DENND2C: variants seen among roughly 807,000 people sequenced by gnomAD.
DENND2C encodes DENN domain-containing protein 2C.
A neutral mutation model predicts 112.4 loss-of-function variants in DENND2C; 72 were observed. The observed-to-expected ratio is 0.64, with a 90% confidence interval of 0.53 to 0.78. DENND2C has a LOEUF of 0.78. Ranked by LOEUF, DENND2C falls within the 30% of genes least tolerant of loss-of-function variation. DENND2C has a pLI of 0.00. For missense variants in DENND2C, 992 were observed against 1,113.8 expected, an observed-to-expected ratio of 0.89 and a Z score of 1.56; for synonymous variants, 329 against 381.6, an observed-to-expected ratio of 0.86 and a Z score of 1.61.
At position 114,625,323 on chromosome 1, in the gene DENND2C, G is replaced by A; in HGVS notation, c.662C>T (p.Ser221Phe). Residue 221 changes from serine to phenylalanine, a missense_variant, in exon 4 of 21, where the codon TCC becomes TTC. Ser to Phe is a radical substitution (Grantham distance 155). Transcript: ENST00000393274. ...TTTATACGGCGTAACACCAGATTCGGATAAATATCTGAATGTCCTACGAGG... is the reference window on the plus strand; with the variant it reads ...TTTATACGGCGTAACACCAGATTCGAATAAATATCTGAATGTCCTACGAGG... ...PKPRRTFRYL[S>F]ESGVTPYKER... 6.2e-7 allele frequency: 1 copy of A among 1,614,124 alleles called. No homozygotes were observed. The highest frequency in any genetic ancestry group is 8.5e-7 in the Non-Finnish European group (1 of 1,180,010).
At chr1:114,592,746 A>T (rs1655229639) in intron 18 of DENND2C, among the ~76,000 whole-genome samples, 1 of 151,972 alleles carries the variant, frequency 6.6e-6, no homozygotes, top group Non-Finnish European at 1.5e-5. Context: ...ATAATAAATA[A>T]TAAATTTTAC....
Position 114,664,568 on chromosome 1 carries a change from C to A in DENND2C, c.-574+5415G>T, listed in dbSNP as rs1043119549. 2.6e-5 allele frequency among the ~76,000 whole-genome samples: 4 copies of A among 152,126 alleles called. No individual in the cohort carries two copies. In the South Asian group the frequency reaches 8.3e-4, roughly 32 times the overall value. On this transcript the variant is annotated intron_variant, in intron 1 of 20. Transcript: ENST00000393274. Reference sequence around the variant, plus strand: ...AATCTCAGCTCACTGCAACCTCCACCTCCTGGGTTCAAGTGATTCTCCTGC... The same window carrying A: ...AATCTCAGCTCACTGCAACCTCCACATCCTGGGTTCAAGTGATTCTCCTGC...
Position 114,623,493 on chromosome 1 carries a change from T to C in DENND2C, c.943+14A>G. 6.3e-7 allele frequency: 1 copy of C among 1,597,208 alleles called. No homozygotes were observed. Among genetic ancestry groups the C allele is most frequent in the Non-Finnish European group, 8.5e-7 (1 of 1,173,118 alleles). On this transcript the variant is annotated intron_variant, in intron 5 of 20. Coordinates refer to ENST00000393274, the MANE Select transcript of DENND2C (RefSeq NM_001256404.2). ...ATAATCACTAAATTTAACTGCAAAG[T>C]TGTCAACACCTACATATGATATCTT...
At chr1:114,626,757 C>A (rs886953400) in intron 3 of DENND2C, among the ~76,000 whole-genome samples, 3 of 152,016 alleles carry the variant, frequency 2.0e-5, no homozygotes, top group African/African-American at 7.2e-5. Flanking sequence ...AAGCAATCCA[C>A]CCCCTTGGCC....
At chr1:114,609,724 T>C (rs780071681) in intron 9 of DENND2C, among the ~76,000 whole-genome samples, 1 of 152,202 alleles carries the variant, frequency 6.6e-6, no homozygotes, top group South Asian at 2.1e-4. Flanking sequence ...CAACCTCTAA[T>C]TGTCTTTCCT....
chr1:114,621,547 A>G (rs1387838620), intron 7 of DENND2C, among the ~76,000 whole-genome samples: 1 of 152,244 alleles, frequency 6.6e-6, no homozygotes, highest in Non-Finnish European at 1.5e-5. Context: ...TGGCAATCAT[A>G]TGAATGAGTG....
chr1:114,632,228 T>C (rs934687923), intron 3 of DENND2C, among the ~76,000 whole-genome samples: 4 of 151,718 alleles, frequency 2.6e-5, no homozygotes, highest in African/African-American at 9.7e-5. Flanking sequence ...GGGTCGGGAG[T>C]GGGGACAAAT....
intron 1 of DENND2C, among the ~76,000 whole-genome samples, chr1:114,658,197 G>T (rs770300407): frequency 6.6e-6 from 1 of 152,140 alleles, no homozygotes; most frequent in Non-Finnish European, 1.5e-5. Context: ...AGGAGAAAAG[G>T]TGCAAGAATA....
chr1:114,668,208 G>T (rs1657698588), intron 1 of DENND2C, among the ~76,000 whole-genome samples: 1 of 152,002 alleles, frequency 6.6e-6, no homozygotes, highest in African/African-American at 2.4e-5. Flanking sequence ...TTTATACATG[G>T]AGTACGTTTA....
chr1:114,657,572 C>T (rs1001836870), intron 1 of DENND2C, among the ~76,000 whole-genome samples: 1 of 152,098 alleles, frequency 6.6e-6, no homozygotes, highest in African/African-American at 2.4e-5. Flanking sequence ...TTGACAGATA[C>T]ATTGTCAAAA....
At chr1:114,640,594 T>C (rs1431783101) in intron 3 of DENND2C, among the ~76,000 whole-genome samples, 1 of 152,156 alleles carries the variant, frequency 6.6e-6, no homozygotes, top group East Asian at 1.9e-4. Context: ...AAAGCGTCTG[T>C]TCTAGAGACA....
intron 2 of DENND2C, among the ~76,000 whole-genome samples, chr1:114,649,686 GT>G (rs1023432118): frequency 6.6e-6 from 1 of 152,088 alleles, no homozygotes; most frequent in African/African-American, 2.4e-5. Context: ...ATAAAACCTA[GT>G]TTTTAAACCA....
In DENND2C at chr1:114,625,263, T is replaced by G; in HGVS notation, c.722A>C (p.Asn241Thr). 6.2e-7 allele frequency: 1 copy of G among 1,614,092 alleles called. No homozygotes were observed. The highest frequency in any genetic ancestry group is 1.3e-5 in the African/African-American group (1 of 75,030). Reference protein sequence around the residue: ...RNCDKKYCENNSCAQSSLASS... With the variant: ...RNCDKKYCENTSCAQSSLASS... ...GGCCAAAGAAGATTGTGCACAAGAG[T>G]TATTTTCACAGTATTTTTTGTCACA... Residue 241 changes from asparagine (N) to threonine (T), a missense_variant, in exon 4 of 21, where the codon AAC becomes ACC. By Grantham distance (65) the Asn-to-Thr change is moderately conservative (BLOSUM62 0). Coordinates refer to ENST00000393274, the MANE Select transcript of DENND2C (RefSeq NM_001256404.2).
chr1:114,648,587 T>C (rs1557958210), intron 2 of DENND2C, among the ~76,000 whole-genome samples: 1 of 152,166 alleles, frequency 6.6e-6, no homozygotes, highest in Non-Finnish European at 1.5e-5. Flanking sequence ...GGTGGTGTGT[T>C]TCCCTGCCTC....
chr1:114,614,089 G>C (rs1655892626), intron 8 of DENND2C, among the ~76,000 whole-genome samples: 1 of 151,976 alleles, frequency 6.6e-6, no homozygotes, highest in African/African-American at 2.4e-5. Flanking sequence ...AAATTAGCCA[G>C]GTGTGGTGGG....
chr1:114,594,260 G>A (rs570966684), intron 18 of DENND2C, among the ~76,000 whole-genome samples: 1 of 152,324 alleles, frequency 6.6e-6, no homozygotes, highest in African/African-American at 2.4e-5. Flanking sequence ...TGCGGGAATA[G>A]CATTCTATAA....
In DENND2C at chr1:114,588,407, T is replaced by A. The variant is rs78548879; in HGVS notation, c.2432-455A>T. The stretch of plus-strand genomic sequence containing the variant: ...CAAAGCAGTTATTTTTCTCTTGTCC[T>A]TTCTTTCTCTTCCTGAGCATGGTGC... On this transcript the variant is annotated intron_variant, in intron 18 of 20. Transcript: ENST00000393274. 8.8e-3 allele frequency: 1,393 copies of A among 157,994 alleles called. 14 individuals carry two copies. Among genetic ancestry groups the A allele is most frequent in the African/African-American group, 0.033 (1,359 of 41,638 alleles). 9.8% of individuals were successfully genotyped at this position (157,994 alleles called of 1,614,324 possible). A position where few individuals can be genotyped will look rare whatever the true frequency, so the allele number is the denominator to read the frequency against.
At chr1:114,662,832 C>A (rs561626094) in intron 1 of DENND2C, among the ~76,000 whole-genome samples, 9 of 152,122 alleles carry the variant, frequency 5.9e-5, no homozygotes, top group African/African-American at 1.9e-4. Context: ...TGGTGGCGTG[C>A]ACCTGTAATG....
intron 3 of DENND2C, among the ~76,000 whole-genome samples, chr1:114,626,510 C>CTTTT (rs11412901): frequency 1.5e-4 from 18 of 122,862 alleles, no homozygotes; most frequent in African/African-American, 1.9e-4. Flanking sequence ...TAAATTAATT[C>CTTTT]TTTTTTTTTT....
Sources: allele counts gnomAD v4.1 joint callset (sites outside exome capture counted in the v4.1 genomes callset), GRCh38; gene constraint gnomAD v4.1.1; transcripts MANE v1.5; gene names NCBI Gene and HGNC (gene_info 2026-07-23, HGNC 2026-07-21).